The following WDR17 variants were observed in gnomAD, a reference collection of about 807,000 sequenced individuals.
The protein encoded by WDR17 is WD repeat-containing protein 17.
In WDR17, 143 loss-of-function variants were observed where a neutral mutation model predicts 161.7. That is an observed-to-expected ratio of 0.88 (90% CI 0.77 to 1.02). The LOEUF is 1.02. WDR17 is among the 50% of genes least tolerant of loss of function. WDR17 has a pLI of 0.00. For missense variants in WDR17, 1,469 were observed against 1,520.9 expected, an observed-to-expected ratio of 0.97 and a Z score of 0.57; for synonymous variants, 517 against 515.6, an observed-to-expected ratio of 1.00 and a Z score of -0.04.
At chr4:176,173,440 G>A in intron 25 of WDR17, 71 bp downstream of exon 25, 1 of 999,982 alleles carries the variant, frequency 1.0e-6, no homozygotes, top group Non-Finnish European at 1.5e-6. Flanking sequence ...ATTGTTTTTG[G>A]TATTCAGATC....
intron 4 of WDR17, among the ~76,000 whole-genome samples, chr4:176,122,055 T>C (rs1217958728): frequency 6.6e-6 from 1 of 152,176 alleles, no homozygotes; most frequent in Non-Finnish European, 1.5e-5. Context: ...TTTTATTATC[T>C]CACAGTTCTT....
chr4:176,120,319 T>TATAA (rs1491272016), intron 4 of WDR17, among the ~76,000 whole-genome samples: 42 of 138,794 alleles, frequency 3.0e-4, no homozygotes, highest in African/African-American at 1.0e-3. Context: ...TATATATATA[T>TATAA]AATACATTCA....
At chr4:176,136,305 G>C (rs1223824277) in intron 8 of WDR17, among the ~76,000 whole-genome samples, 2 of 151,616 alleles carry the variant, frequency 1.3e-5, no homozygotes, top group Admixed American at 6.6e-5. Context: ...CACCTCCACT[G>C]TAGGTTACCT....
In WDR17 at chr4:176,081,485, A is replaced by G. The variant is rs895974158; in HGVS notation, c.-7+15406A>G. Among the ~76,000 whole-genome samples, 3 of 151,994 alleles carry G rather than the reference A, an allele frequency of 2.0e-5. No individual in the cohort carries two copies. The South Asian group carries it at 6.2e-4, about 31-fold the overall frequency. On this transcript the variant is annotated intron_variant, in intron 1 of 28. Transcript: ENST00000508596. The stretch of plus-strand genomic sequence containing the variant: ...CATTTTTCTTTCTGTTCCTCCAAAT[A>G]TGTGTTCATTCTCTATTATAGCAGC...
intron 1 of WDR17, among the ~76,000 whole-genome samples, chr4:176,077,612 A>G (rs116545981): frequency 8.3e-4 from 127 of 152,152 alleles, no homozygotes; most frequent in African/African-American, 2.6e-3. Context: ...ATAAGTGCCA[A>G]TTAGGGTTCT....
Position 176,148,260 on chromosome 4 carries a change from TATACTA to T in WDR17, c.1823_1828del (p.Tyr608_Ile610delinsLeu). 6.2e-7 allele frequency: 1 copy of T among 1,613,836 alleles called. No homozygotes were observed. The highest frequency in any genetic ancestry group is 1.3e-5 in the African/African-American group (1 of 75,050). On this transcript the variant is annotated inframe_deletion, in exon 13 of 29. Coordinates refer to ENST00000508596, the MANE Select transcript of WDR17 (RefSeq NM_181265.4). ...TCTGCTCATATCTGGCAGCTGGGAC[TATACTA>T]TAAAAGTATGGGACACTCGAGAAGG...
intron 1 of WDR17, among the ~76,000 whole-genome samples, chr4:176,083,062 G>A (rs1018235686): frequency 7.9e-5 from 12 of 151,980 alleles, no homozygotes; most frequent in Admixed American, 6.6e-4. Flanking sequence ...ATATTAAATA[G>A]CAATTAACTT....
chr4:176,071,266 A>C (rs547320890), intron 1 of WDR17, among the ~76,000 whole-genome samples: 1 of 151,990 alleles, frequency 6.6e-6, no homozygotes, highest in East Asian at 1.9e-4. Context: ...TGGAATATTT[A>C]CTTCAAAAAT....
chr4:176,119,745 TAA>T, intron 3 of WDR17, 120 bp from the exon 4 acceptor site: 1 of 882,984 alleles, frequency 1.1e-6, no homozygotes, highest in Non-Finnish European at 1.7e-6. Flanking sequence ...AATTCCCAAA[TAA>T]GAAAGTAATG....
intron 1 of WDR17, among the ~76,000 whole-genome samples, chr4:176,088,643 A>G (rs765409898): frequency 4.6e-5 from 7 of 152,198 alleles, no homozygotes; most frequent in South Asian, 2.1e-4. Context: ...TTAAGGACGT[A>G]GAGGACCTGC....
chr4:176,142,587 A>G (rs1034256415), intron 11 of WDR17, among the ~76,000 whole-genome samples: 3 of 152,238 alleles, frequency 2.0e-5, no homozygotes, highest in African/African-American at 7.2e-5. Context: ...ATTTAAAATT[A>G]CATCCAAGTC....
intron 23 of WDR17, among the ~76,000 whole-genome samples, chr4:176,169,178 A>G (rs1750337399): frequency 6.6e-6 from 1 of 152,182 alleles, no homozygotes; most frequent in Non-Finnish European, 1.5e-5. Flanking sequence ...TGTAGGATAA[A>G]TTTTTAAAAT....
intron 3 of WDR17, among the ~76,000 whole-genome samples, chr4:176,116,609 AT>A (rs1423745099): frequency 1.3e-5 from 2 of 151,820 alleles, no homozygotes; most frequent in Non-Finnish European, 3.0e-5. Flanking sequence ...AGCTCAATTG[AT>A]TATGGTTTTG....
intron 23 of WDR17, among the ~76,000 whole-genome samples, chr4:176,169,890 A>AT (rs1406960254): frequency 6.6e-6 from 1 of 152,048 alleles, no homozygotes; most frequent in Non-Finnish European, 1.5e-5. Flanking sequence ...TCTGTGAATT[A>AT]TTTTTTTTAA....
intron 13 of WDR17, among the ~76,000 whole-genome samples, chr4:176,149,083 C>G (rs1423230074): frequency 6.6e-6 from 1 of 152,106 alleles, no homozygotes; most frequent in Non-Finnish European, 1.5e-5. Context: ...AGGTCCCCAA[C>G]TCTTCATCTT....
intron 1 of WDR17, among the ~76,000 whole-genome samples, chr4:176,086,746 T>G (rs1181922329): frequency 6.6e-6 from 1 of 151,922 alleles, no homozygotes; most frequent in East Asian, 1.9e-4. Flanking sequence ...TTATTTTGAT[T>G]TGTAATTTTA....
intron 15 of WDR17, 43 bp downstream of exon 15, chr4:176,150,216 C>T: frequency 3.8e-6 from 6 of 1,597,748 alleles, no homozygotes; most frequent in Non-Finnish European, 4.3e-6. Context: ...TCCCTTTAGC[C>T]AACATGAATC....
rs1228711572 is a variant in WDR17 at position 176,177,601 on chromosome 4, C to T, written c.3679C>T (p.Leu1227Phe). The T allele has an allele frequency of 1.3e-6, 2 of 1,596,406 alleles. No homozygotes were observed. The highest frequency in any genetic ancestry group is 2.3e-5 in the South Asian group (2 of 87,566). Residue 1227 changes from leucine (L) to phenylalanine (F), a missense_variant, in exon 28 of 29, where the codon CTT (leucine) becomes TTT (phenylalanine). By Grantham distance (22) the Leu-to-Phe change is conservative. Transcript: ENST00000508596. Reference protein sequence around the residue: ...IGPDYVTGSNLPSHSDIHISC... With the variant: ...IGPDYVTGSNFPSHSDIHISC... ...ACCAGATTATGTGACTGGATCAAATCTTCCAAGTCATTCTGATATTCACAT... is the reference window on the plus strand; with the variant it reads ...ACCAGATTATGTGACTGGATCAAATTTTCCAAGTCATTCTGATATTCACAT...
At chr4:176,118,317 T>C (rs1392327259) in intron 3 of WDR17, among the ~76,000 whole-genome samples, 1 of 152,232 alleles carries the variant, frequency 6.6e-6, no homozygotes, top group Non-Finnish European at 1.5e-5. Flanking sequence ...ACCAGTATTC[T>C]ATTGTCTTTC....
Sources: allele counts gnomAD v4.1 joint callset (sites outside exome capture counted in the v4.1 genomes callset), GRCh38; gene constraint gnomAD v4.1.1; transcripts MANE v1.5; gene names NCBI Gene and HGNC (gene_info 2026-07-23, HGNC 2026-07-21).